Variants in PIK3C2G observed in about 807,000 individuals in gnomAD.
PIK3C2G encodes phosphatidylinositol 3-kinase C2 domain-containing subunit gamma.
Under a neutral mutation model 181.1 loss-of-function variants are expected in PIK3C2G, and 168 were observed. The ratio of observed to expected loss-of-function variants is 0.93; its 90% CI spans 0.82 to 1.05. The LOEUF (loss-of-function observed/expected upper bound fraction) is 1.05. Ranked by LOEUF, PIK3C2G falls within the 50% of genes least tolerant of loss-of-function variation. The pLI is 0.00. For synonymous variants in PIK3C2G, 573 were observed against 592.2 expected (o/e 0.97, Z 0.47); for missense variants, 1,869 against 1,732.8 (o/e 1.08, Z -1.40).
chr12:18,382,097 C>T (rs1942881298), intron 14 of PIK3C2G, among the ~76,000 whole-genome samples: 2 of 152,156 alleles, frequency 1.3e-5, no homozygotes, highest in East Asian at 3.9e-4. Flanking sequence ...TCAAACCATT[C>T]TCCATCCTAC....
intron 5 of PIK3C2G, among the ~76,000 whole-genome samples, chr12:18,302,703 G>A (rs1246904672): frequency 6.6e-6 from 1 of 152,102 alleles, no homozygotes; most frequent in East Asian, 1.9e-4. Flanking sequence ...AGACAGGGTG[G>A]CATGATTCCC....
the PIK3C2G span, among the ~76,000 whole-genome samples, chr12:18,666,528 C>T: frequency 6.6e-6 from 1 of 151,928 alleles, no homozygotes; most frequent in Admixed American, 6.6e-5. Flanking sequence ...GAAGATAAAA[C>T]AATTATAAAT....
intron 31 of PIK3C2G, among the ~76,000 whole-genome samples, chr12:18,614,342 T>C (rs1948493783): frequency 6.6e-6 from 1 of 152,094 alleles, no homozygotes; most frequent in South Asian, 2.1e-4. Flanking sequence ...CCCTCAAAGA[T>C]GACCTATTAT....
At chr12:18,502,841 C>A (rs1027156013) in intron 22 of PIK3C2G, among the ~76,000 whole-genome samples, 1 of 152,022 alleles carries the variant, frequency 6.6e-6, no homozygotes, top group Admixed American at 6.5e-5. Flanking sequence ...TTTTTTAACC[C>A]GAACATTGAT....
Position 18,553,095 on chromosome 12 carries a change from TC to T in PIK3C2G, c.3590+6664del, listed in dbSNP as rs1944818761. On this transcript the variant is annotated intron_variant, in intron 26 of 32. Coordinates refer to ENST00000538779, the MANE Select transcript of PIK3C2G (RefSeq NM_001288772.2). ...GTACCTGTTAATCCCCATTGATATTTCTGACCCTACGCATTGCATACAATTA... is the reference window on the plus strand; with the variant it reads ...GTACCTGTTAATCCCCATTGATATTTTGACCCTACGCATTGCATACAATTA... Among the ~76,000 whole-genome samples, 6 of 152,208 alleles carry T rather than the reference TC, an allele frequency of 3.9e-5. No homozygotes were observed. The South Asian group carries it at 1.2e-3, about 32-fold the overall frequency.
the PIK3C2G span, among the ~76,000 whole-genome samples, chr12:18,679,783 G>A: frequency 1.3e-5 from 2 of 151,956 alleles, no homozygotes; most frequent in African/African-American, 4.8e-5. Context: ...ATGTACACAT[G>A]GAAAGTAGAA....
At chr12:18,362,657 G>C (rs1425869530) in intron 11 of PIK3C2G, 107 bp from the exon 12 acceptor site, 2 of 766,536 alleles carry the variant, frequency 2.6e-6, no homozygotes, top group Non-Finnish European at 3.9e-6. Flanking sequence ...TATGCAAGCA[G>C]TCATCACTTT....
the PIK3C2G span, chr12:18,693,494 G>A: frequency 6.8e-6 from 11 of 1,609,734 alleles, no homozygotes; most frequent in Non-Finnish European, 9.3e-6. Flanking sequence ...CAAAGCAGTA[G>A]CAAACCAAAC....
In PIK3C2G at chr12:18,416,806, G is replaced by A. The variant is rs552028215; in HGVS notation, c.2316-4135G>A. On this transcript the variant is annotated intron_variant, in intron 16 of 32. Coordinates refer to ENST00000538779, the MANE Select transcript of PIK3C2G (RefSeq NM_001288772.2). ...AAGAGCTCTGATGGCGATGTATAGG[G>A]AGGTTAATGTTGTTTTCATGCCTGC... Among the ~76,000 whole-genome samples the A allele has an allele frequency of 3.9e-5, 6 of 152,278 alleles. No homozygotes were observed. The South Asian group carries it at 1.2e-3, about 32-fold the overall frequency.
intron 31 of PIK3C2G, among the ~76,000 whole-genome samples, chr12:18,629,509 G>A (rs1465466407): frequency 6.6e-6 from 1 of 152,172 alleles, no homozygotes; most frequent in East Asian, 1.9e-4. Context: ...AAAAGAAAGT[G>A]AGGAGGATGG....
intron 24 of PIK3C2G, among the ~76,000 whole-genome samples, chr12:18,537,297 A>G (rs1464320280): frequency 2.0e-5 from 3 of 152,158 alleles, no homozygotes; most frequent in African/African-American, 7.2e-5. Flanking sequence ...TACTTGGTCT[A>G]ACCTTTCACC....
At chr12:18,315,330 A>T (rs1424012383) in intron 6 of PIK3C2G, among the ~76,000 whole-genome samples, 2 of 152,276 alleles carry the variant, frequency 1.3e-5, no homozygotes, top group African/African-American at 4.8e-5. Context: ...CAGGAAAAAA[A>T]ATGTTATAAA....
chr12:18,693,417 A>T, the PIK3C2G span: 1 of 1,604,468 alleles, frequency 6.2e-7, no homozygotes, highest in Non-Finnish European at 8.5e-7. Flanking sequence ...TTATGAAGAG[A>T]TGGGTATAAA....
intron 15 of PIK3C2G, among the ~76,000 whole-genome samples, chr12:18,394,758 A>G (rs996359141): frequency 7.2e-5 from 11 of 152,010 alleles, no homozygotes; most frequent in Non-Finnish European, 1.5e-4. Context: ...ATGTTGAGGT[A>G]CAAAAAGAAA....
chr12:18,252,102 C>T (rs552315837), intron 1 of PIK3C2G, among the ~76,000 whole-genome samples: 14 of 151,954 alleles, frequency 9.2e-5, no homozygotes, highest in South Asian at 2.1e-4. Flanking sequence ...TCAAATATTC[C>T]GAGTCATATC....
chr12:18,534,114 T>C (rs1943711490), intron 24 of PIK3C2G, among the ~76,000 whole-genome samples: 1 of 151,530 alleles, frequency 6.6e-6, no homozygotes, highest in African/African-American at 2.4e-5. Flanking sequence ...TGTGCCTGGA[T>C]AACTTTTGTA....
intron 30 of PIK3C2G, among the ~76,000 whole-genome samples, chr12:18,602,593 C>T (rs1243575549): frequency 1.3e-5 from 2 of 152,056 alleles, no homozygotes; most frequent in Non-Finnish European, 2.9e-5. Context: ...CATTAAACCA[C>T]CAAAGCTAAG....
intron 29 of PIK3C2G, among the ~76,000 whole-genome samples, chr12:18,592,382 A>C (rs1232455516): frequency 6.6e-6 from 1 of 151,886 alleles, no homozygotes; most frequent in African/African-American, 2.4e-5. Flanking sequence ...GTAATATAAA[A>C]GCAAAGACAA....
chr12:18,477,155 TC>T (rs1939086540), intron 18 of PIK3C2G, among the ~76,000 whole-genome samples: 1 of 152,054 alleles, frequency 6.6e-6, no homozygotes, highest in Admixed American at 6.6e-5. Flanking sequence ...TGGGATTAAG[TC>T]CCCAGTCTTA....
Sources: gnomAD v4.1 joint callset for allele counts (sites outside exome capture counted in the v4.1 genomes callset) on GRCh38, gnomAD v4.1.1 for gene constraint, MANE v1.5 for transcripts, NCBI Gene and HGNC (gene_info 2026-07-23, HGNC 2026-07-21) for gene names.